Variants in DAGLA observed in about 807,000 individuals in gnomAD.
The protein encoded by DAGLA is diacylglycerol lipase-alpha.
In DAGLA, 22 loss-of-function variants were observed where a neutral mutation model predicts 102.6. The ratio of observed to expected loss-of-function variants is 0.21; its 90% CI spans 0.15 to 0.31. The LOEUF (loss-of-function observed/expected upper bound fraction) is 0.31, where lower values mean the gene tolerates loss of function less well. Ranked by LOEUF, DAGLA falls within the 10% of genes least tolerant of loss-of-function variation. DAGLA has a pLI of 1.00. For missense variants in DAGLA, 927 were observed against 1,446.6 expected (o/e 0.64, Z 5.83); for synonymous variants, 578 against 628.9 (o/e 0.92, Z 1.21).
At chr11:61,735,540 C>G (rs2065415729) in intron 10 of DAGLA, 21 bp from the exon 11 acceptor site, 11 of 1,612,314 alleles carry the variant, frequency 6.8e-6, no homozygotes, top group Middle Eastern at 1.7e-4. Flanking sequence ...CGCTCAGGCT[C>G]ACGAGCTGCC....
intron 1 of DAGLA, among the ~76,000 whole-genome samples, chr11:61,719,827 A>G (rs539059671): frequency 1.3e-5 from 2 of 152,212 alleles, no homozygotes; most frequent in South Asian, 2.1e-4. Context: ...ATAGAGCTCA[A>G]CAGTGACTGC....
rs184046825 is a variant in DAGLA, at chr11:61,693,219, C to T, written c.-45+12715C>T. ...CCATGTTGGCCAGGCTGGTCTCGAA[C>T]TCCTGGACCTCAGGTGATCCAGCCT... On this transcript the variant is annotated intron_variant, in intron 1 of 19. Coordinates refer to ENST00000257215, the MANE Select transcript of DAGLA (RefSeq NM_006133.3). Among the ~76,000 whole-genome samples, 407 of 152,138 alleles carry T rather than the reference C, an allele frequency of 2.7e-3. 2 individuals carry two copies. Among genetic ancestry groups the T allele is most frequent in the African/African-American group, 9.2e-3 (382 of 41,500 alleles).
chr11:61,725,875 A>G (rs1782306666), intron 5 of DAGLA, 120 bp from the exon 6 acceptor site: 1 of 914,664 alleles, frequency 1.1e-6, no homozygotes, highest in East Asian at 2.4e-5. Context: ...CCCAGAACCC[A>G]CTGCGGGAAC....
intron 3 of DAGLA, among the ~76,000 whole-genome samples, chr11:61,721,342 C>T (rs1465192046): frequency 5.3e-5 from 8 of 152,036 alleles, no homozygotes; most frequent in East Asian, 1.9e-4. Context: ...TGCAGTGAGC[C>T]GAGATTGCGC....
At chr11:61,739,734 T>G (rs2065460581) in intron 17 of DAGLA, 73 bp downstream of exon 17, 3 of 1,484,996 alleles carry the variant, frequency 2.0e-6, no homozygotes, top group Non-Finnish European at 2.7e-6. Context: ...AGGGCCGGCC[T>G]TGGCTCAATC....
chr11:61,728,083 A>G, intron 6 of DAGLA, 70 bp from the exon 7 acceptor site: 1 of 1,574,384 alleles, frequency 6.4e-7, no homozygotes. Context: ...GCCCTGGGGG[A>G]TTTACTCCTG....
chr11:61,696,595 G>A (rs2065068361), intron 1 of DAGLA, among the ~76,000 whole-genome samples: 1 of 151,884 alleles, frequency 6.6e-6, no homozygotes. Flanking sequence ...CCCGGGGTTG[G>A]GGGTGGGGTG....
chr11:61,683,044 C>T (rs576245214), intron 1 of DAGLA, among the ~76,000 whole-genome samples: 78 of 152,298 alleles, frequency 5.1e-4, no homozygotes, highest in Non-Finnish European at 8.8e-4. Flanking sequence ...GCCTAATTCC[C>T]GACAACAAGC....
intron 1 of DAGLA, among the ~76,000 whole-genome samples, chr11:61,711,910 G>A (rs1036708875): frequency 4.6e-5 from 7 of 152,298 alleles, no homozygotes; most frequent in Non-Finnish European, 1.0e-4. Flanking sequence ...ATAATACAGG[G>A]CATAAGAGGT....
At chr11:61,705,979 G>A (rs2065146094) in intron 1 of DAGLA, among the ~76,000 whole-genome samples, 2 of 152,252 alleles carry the variant, frequency 1.3e-5, no homozygotes, top group South Asian at 2.1e-4. Context: ...CCAGCCTGGG[G>A]TTTGAGGCCT....
intron 7 of DAGLA, 45 bp downstream of exon 7, chr11:61,728,332 C>A: frequency 6.3e-7 from 1 of 1,597,066 alleles, no homozygotes. Flanking sequence ...TCCACACCAC[C>A]CTTCTTTCAG....
chr11:61,742,862 G>C (rs2065492667), intron 19 of DAGLA, among the ~76,000 whole-genome samples: 1 of 149,878 alleles, frequency 6.7e-6, no homozygotes, highest in Non-Finnish European at 1.5e-5. Flanking sequence ...ACCTGGGGCA[G>C]GCTCATGAGT....
chr11:61,706,620 A>G (rs1223745371), intron 1 of DAGLA, among the ~76,000 whole-genome samples: 1 of 152,192 alleles, frequency 6.6e-6, no homozygotes, highest in East Asian at 1.9e-4. Flanking sequence ...CTCCCACAAC[A>G]TCCAGAGACA....
chr11:61,720,814 C>T lies in DAGLA; in HGVS notation c.231C>T (p.Ile77=), dbSNP rs2065275293. Residue 77 remains isoleucine, a synonymous_variant, in exon 3 of 20, where the codon ATC becomes ATT. Coordinates refer to ENST00000257215, the MANE Select transcript of DAGLA (RefSeq NM_006133.3). ...GCATGATCGCTGAGATGGCCATCAT[C>T]TGGCTGAGCATGCGCGGGGGCATCC... is the stretch of plus-strand genomic sequence containing the variant. ...LSCMIAEMAI[I]WLSMRGGILY... 2 of 1,613,678 alleles carry T rather than the reference C, an allele frequency of 1.2e-6. No individual in the cohort carries two copies. The highest frequency in any genetic ancestry group is 2.7e-5 in the African/African-American group (2 of 74,944).
chr11:61,682,855 G>A (rs1057440881), intron 1 of DAGLA, among the ~76,000 whole-genome samples: 1 of 151,718 alleles, frequency 6.6e-6, no homozygotes, highest in African/African-American at 2.4e-5. Context: ...GGGGGACGGG[G>A]GGGGGAGGTG....
intron 1 of DAGLA, among the ~76,000 whole-genome samples, chr11:61,706,542 G>A (rs921320858): frequency 5.3e-5 from 8 of 152,124 alleles, no homozygotes; most frequent in African/African-American, 1.2e-4. Context: ...TTTTCTGGTC[G>A]TCAGGCTCTG....
chr11:61,725,340 C>T (rs1399630693), intron 5 of DAGLA, among the ~76,000 whole-genome samples: 1 of 152,132 alleles, frequency 6.6e-6, no homozygotes, highest in African/African-American at 2.4e-5. Flanking sequence ...CAGCCAGACC[C>T]ACTGGGGATG....
chr11:61,737,650 C>G lies in DAGLA; in HGVS notation c.1515-37C>G, dbSNP rs753083309. ...GATTCCGGAACACCACCACCCCGCCCCCTTGGCCTTAGCTTCTGCTTCGGC... is the reference window on the plus strand; with the variant it reads ...GATTCCGGAACACCACCACCCCGCCGCCTTGGCCTTAGCTTCTGCTTCGGC... On this transcript the variant is annotated intron_variant, in intron 14 of 19. Transcript: ENST00000257215. 5.0e-6 allele frequency: 8 copies of G among 1,593,104 alleles called. No individual in the cohort carries two copies. In the South Asian group the frequency reaches 8.8e-5, roughly 18 times the overall value.
chr11:61,744,231 G>A lies in DAGLA; in HGVS notation c.2871G>A (p.Glu957=). The change falls in exon 20 of 20, where the codon GAG becomes GAA. Residue 957 remains glutamate, a synonymous_variant. Coordinates refer to ENST00000257215, the MANE Select transcript of DAGLA (RefSeq NM_006133.3). ...GCCCCAAGTCCCCCAGCCAGCAAGA[G>A]ATCCTGCTCCGTGCCCAGTTCGAGC... is the stretch of plus-strand genomic sequence containing the variant. The part of the protein sequence containing the change: ...AEGPKSPSQQ[E]ILLRAQFEPN... 6.2e-7 allele frequency: 1 copy of A among 1,613,086 alleles called. No individual in the cohort carries two copies. The highest frequency in any genetic ancestry group is 8.5e-7 in the Non-Finnish European group (1 of 1,179,968).
Sources: allele counts gnomAD v4.1 joint callset (sites outside exome capture counted in the v4.1 genomes callset), GRCh38; gene constraint gnomAD v4.1.1; transcripts MANE v1.5; gene names NCBI Gene and HGNC (gene_info 2026-07-23, HGNC 2026-07-21).